Variants in SLC20A2 observed in about 807,000 individuals in gnomAD.
SLC20A2 encodes the protein solute carrier family 20 member 2.
A neutral mutation model predicts 61.0 loss-of-function variants in SLC20A2; 30 were observed. That is an observed-to-expected ratio of 0.49 (90% confidence interval 0.37 to 0.67). The LOEUF (loss-of-function observed/expected upper bound fraction) is 0.67, where lower values mean the gene tolerates loss of function less well. Among genes scored for constraint, SLC20A2 ranks in the 30% least tolerant of loss-of-function variants. SLC20A2 has a pLI of 0.00. For missense variants in SLC20A2, 626 were observed against 866.4 expected, an observed-to-expected ratio of 0.72 and a Z score of 3.48; for synonymous variants, 351 against 353.3, an observed-to-expected ratio of 0.99 and a Z score of 0.07.
At chr8:42,536,502 G>T (rs1812706758) in intron 1 of SLC20A2, 2 of 152,236 alleles carry the variant, frequency 1.3e-5, no homozygotes, top group South Asian at 4.1e-4. Flanking sequence ...AGTGACTGTT[G>T]ATGCCCGATG....
At chr8:42,420,008 A>G (rs563959624) in intron 10 of SLC20A2, among the ~76,000 whole-genome samples, 1 of 152,258 alleles carries the variant, frequency 6.6e-6, no homozygotes, top group Non-Finnish European at 1.5e-5. Flanking sequence ...AACAGGGTGA[A>G]ACCCCATCTC....
intron 1 of SLC20A2, among the ~76,000 whole-genome samples, chr8:42,535,492 C>CA (rs982503893): frequency 2.6e-5 from 4 of 151,788 alleles, no homozygotes; most frequent in Admixed American, 2.0e-4. Flanking sequence ...ACAATATTTT[C>CA]AAAAAAACTT....
chr8:42,456,190 G>A (rs554351787), intron 5 of SLC20A2, among the ~76,000 whole-genome samples: 4 of 152,232 alleles, frequency 2.6e-5, no homozygotes, highest in Non-Finnish European at 4.4e-5. Context: ...ATTAAAAATC[G>A]TAATTGTCTT....
At chr8:42,445,293 A>G (rs1437364905) in intron 5 of SLC20A2, among the ~76,000 whole-genome samples, 1 of 152,176 alleles carries the variant, frequency 6.6e-6, no homozygotes, top group Non-Finnish European at 1.5e-5. Flanking sequence ...CTCCATCTCA[A>G]AAAAAACAAT....
chr8:42,457,175 T>C (rs567829547), intron 5 of SLC20A2, among the ~76,000 whole-genome samples: 67 of 152,090 alleles, frequency 4.4e-4, no homozygotes, highest in African/African-American at 1.5e-3. Flanking sequence ...TGATCTGCCT[T>C]CCTCAGCCTC....
At chr8:42,452,145 AGAGGAGGAGGAAGAGATGGAG>A (rs1382672327) in intron 5 of SLC20A2, among the ~76,000 whole-genome samples, 90 of 135,444 alleles carry the variant, frequency 6.6e-4, no homozygotes, top group Non-Finnish European at 1.1e-3. Flanking sequence ...GAAGAGATGA[AGAGGAGGAGGAAGAGATGGAG>A]GAGGAGGAGG....
intron 9 of SLC20A2, 95 bp from the exon 10 acceptor site, chr8:42,428,937 G>A (rs547094680): frequency 2.1e-6 from 2 of 970,798 alleles, no homozygotes; most frequent in African/African-American, 1.7e-5. Flanking sequence ...CATTCTCTGG[G>A]GTGACTGCCG....
chr8:42,439,206 C>G (rs941290303), intron 7 of SLC20A2, among the ~76,000 whole-genome samples: 1 of 152,156 alleles, frequency 6.6e-6, no homozygotes, highest in Non-Finnish European at 1.5e-5. Context: ...AGTGCGTGGC[C>G]CCAGTGCCTC....
intron 1 of SLC20A2, among the ~76,000 whole-genome samples, chr8:42,495,752 CTTT>C (rs869049452): frequency 6.9e-6 from 1 of 145,216 alleles, no homozygotes; most frequent in Non-Finnish European, 1.5e-5. Context: ...ATCCCTCCCC[CTTT>C]TTTTTTTTTT....
intron 1 of SLC20A2, among the ~76,000 whole-genome samples, chr8:42,518,118 T>G (rs1004376586): frequency 1.3e-5 from 2 of 151,706 alleles, no homozygotes; most frequent in Admixed American, 1.3e-4. Flanking sequence ...TTTTTGGTAT[T>G]TTTAGTAGAG....
At chr8:42,475,959 G>A (rs1195178434) in intron 1 of SLC20A2, among the ~76,000 whole-genome samples, 1 of 152,002 alleles carries the variant, frequency 6.6e-6, no homozygotes, top group African/African-American at 2.4e-5. Flanking sequence ...TGGAACCGAA[G>A]TGAAAAATAA....
At chr8:42,460,979 G>A (rs1301504864) in intron 4 of SLC20A2, among the ~76,000 whole-genome samples, 1 of 152,224 alleles carries the variant, frequency 6.6e-6, no homozygotes, top group Non-Finnish European at 1.5e-5. Flanking sequence ...CTCAAAGACT[G>A]CTACTGCCAA....
chr8:42,427,891 G>A (rs1217753958), intron 10 of SLC20A2, among the ~76,000 whole-genome samples: 2 of 152,186 alleles, frequency 1.3e-5, no homozygotes, highest in African/African-American at 4.8e-5. Flanking sequence ...CTCCCAAGCA[G>A]CAAACACCAA....
chr8:42,535,383 A>G (rs1812638618), intron 1 of SLC20A2: 1 of 152,208 alleles, frequency 6.6e-6, no homozygotes, highest in East Asian at 1.9e-4. Context: ...AAAAAAAACT[A>G]ATAATGCAGT....
intron 8 of SLC20A2, among the ~76,000 whole-genome samples, chr8:42,432,493 C>T (rs1803942674): frequency 6.6e-6 from 1 of 152,202 alleles, no homozygotes; most frequent in South Asian, 2.1e-4. Flanking sequence ...GAATATTCCA[C>T]AAACTCAGTT....
At chr8:42,421,805 C>CA (rs1175770913) in intron 10 of SLC20A2, among the ~76,000 whole-genome samples, 30 of 148,488 alleles carry the variant, frequency 2.0e-4, no homozygotes, top group African/African-American at 4.9e-4. Context: ...AACTCCGTCT[C>CA]AAAAAAAAAG....
chr8:42,453,416 A>G (rs1307720354), intron 5 of SLC20A2, among the ~76,000 whole-genome samples: 1 of 152,224 alleles, frequency 6.6e-6, no homozygotes, highest in Admixed American at 6.5e-5. Flanking sequence ...TGTCAAATGT[A>G]AAGTAACACA....
At chr8:42,476,892 C>T (rs1453174502) in intron 1 of SLC20A2, among the ~76,000 whole-genome samples, 1 of 152,254 alleles carries the variant, frequency 6.6e-6, no homozygotes, top group Non-Finnish European at 1.5e-5. Flanking sequence ...CCCGTCCGGC[C>T]AGCTCCTGGC....
chr8:42,429,168 C>T (rs531247322), intron 9 of SLC20A2, among the ~76,000 whole-genome samples: 4 of 152,312 alleles, frequency 2.6e-5, no homozygotes, highest in African/African-American at 9.6e-5. Context: ...AAACTATGCT[C>T]TCATTTTAAA....
Sources: gnomAD v4.1 joint callset for allele counts (sites outside exome capture counted in the v4.1 genomes callset) on GRCh38, gnomAD v4.1.1 for gene constraint, MANE v1.5 for transcripts, NCBI Gene and HGNC (gene_info 2026-07-23, HGNC 2026-07-21) for gene names.